The following FIBCD1 variants were observed in gnomAD, a reference collection of about 807,000 sequenced individuals.
FIBCD1 encodes the protein fibrinogen C domain containing 1, also known as fibrinogen C domain-containing protein 1.
FIBCD1 carries 47 observed loss-of-function variants against 45.1 expected under a neutral mutation model. The ratio of observed to expected loss-of-function variants is 1.04; its 90% CI spans 0.82 to 1.33. The LOEUF (loss-of-function observed/expected upper bound fraction) is 1.33, where lower values mean the gene tolerates loss of function less well. Ranked by LOEUF, FIBCD1 falls within the 40% of genes most tolerant of loss-of-function variation. FIBCD1 has a pLI of 0.00. For missense variants in FIBCD1, 653 were observed against 682.2 expected, an observed-to-expected ratio of 0.96 and a Z score of 0.48; for synonymous variants, 313 against 308.1, an observed-to-expected ratio of 1.02 and a Z score of -0.17.
intron 4 of FIBCD1, among the ~76,000 whole-genome samples, chr9:130,914,224 C>T (rs1412738577): frequency 1.3e-5 from 2 of 152,248 alleles, no homozygotes; most frequent in African/African-American, 4.8e-5. Flanking sequence ...CACCCTCCCC[C>T]AGCCCTCCCG....
At chr9:130,927,647 G>C (rs953072038) in intron 2 of FIBCD1, among the ~76,000 whole-genome samples, 2 of 152,212 alleles carry the variant, frequency 1.3e-5, no homozygotes, top group African/African-American at 4.8e-5. Flanking sequence ...GCTGCAGGGG[G>C]TTGGGGATGA....
chr9:130,930,405 C>G (rs913297825), intron 1 of FIBCD1, among the ~76,000 whole-genome samples: 2 of 147,862 alleles, frequency 1.4e-5, no homozygotes, highest in African/African-American at 5.0e-5. Context: ...TGGGGAGATG[C>G]GGGGAGACGC....
At chr9:130,938,167 C>T in intron 1 of FIBCD1, 1 of 195,252 alleles carries the variant, frequency 5.1e-6, no homozygotes, top group Non-Finnish European at 1.0e-5. Flanking sequence ...AGTTAAGATG[C>T]CCATTGTAGA....
intron 1 of FIBCD1, among the ~76,000 whole-genome samples, chr9:130,937,376 C>T (rs1008153544): frequency 2.7e-4 from 41 of 152,180 alleles, no homozygotes; most frequent in African/African-American, 9.7e-4. Flanking sequence ...CTCTCTGATC[C>T]CTGGTCTGTG....
In FIBCD1 at chr9:130,924,422, G is replaced by C. The variant is rs200302172; in HGVS notation, c.553-26C>G. On this transcript the variant is annotated intron_variant, in intron 2 of 6. Transcript: ENST00000372338. ...CTGCGGAGCACAGGGGGTGAGCCGA[G>C]GGGGCAGGGGCTCTGTTGGGGGTGG... 223 of 1,587,278 alleles carry C rather than the reference G, an allele frequency of 1.4e-4. No homozygotes were observed. The African/African-American group carries it at 2.8e-3, about 20-fold the overall frequency.
intron 1 of FIBCD1, 43 bp from the exon 2 acceptor site, chr9:130,930,089 G>A: frequency 2.0e-6 from 3 of 1,477,630 alleles, no homozygotes; most frequent in South Asian, 2.8e-5. Context: ...CAGACAGACG[G>A]GAGAGAGAAG....
upstream of FIBCD1, among the ~76,000 whole-genome samples, chr9:130,940,131 C>T (rs1303279935): frequency 2.6e-5 from 4 of 152,246 alleles, no homozygotes; most frequent in African/African-American, 9.6e-5. Flanking sequence ...GCCCCATCTT[C>T]GTCCCTCTCC....
At position 130,911,796 on chromosome 9, in the gene FIBCD1, C is replaced by T. The variant is rs757075901; in HGVS notation, c.942G>A (p.Trp314Ter). ...GATGGTGGGTGGGGTGCTCACCTAG[C>T]CAGTGCTCCCCGGTGAGCCTGCCAA... ...DGFGRLTGEH[W>*]LGLKRIHALT... The change falls in exon 5 of 7, where the codon TGG becomes TGA. Residue 314 changes from tryptophan (W) to a stop codon, truncating the protein, a stop_gained. Coordinates refer to ENST00000372338, the MANE Select transcript of FIBCD1 (RefSeq NM_032843.5). LOFTEE classifies it high-confidence loss of function. The T allele has an allele frequency of 1.1e-5, 18 of 1,599,278 alleles. No individual in the cohort carries two copies. Among genetic ancestry groups the T allele is most frequent in the African/African-American group, 2.7e-5 (2 of 74,388 alleles).
At chr9:130,924,121 A>G (rs1039936010) in intron 3 of FIBCD1, 116 bp downstream of exon 3, 21 of 1,376,374 alleles carry the variant, frequency 1.5e-5, no homozygotes, top group Middle Eastern at 2.6e-4. Context: ...CGCAGGCCAC[A>G]TGGAAGTAGG....
chr9:130,932,314 G>C (rs11244199), intron 1 of FIBCD1, among the ~76,000 whole-genome samples: 2 of 152,220 alleles, frequency 1.3e-5, no homozygotes, highest in African/African-American at 4.8e-5. Context: ...TGGACATGCA[G>C]ACCCCCGGGA....
chr9:130,904,203 G>T lies in FIBCD1; in HGVS notation c.1247C>A (p.Thr416Lys). 6.2e-7 allele frequency: 1 copy of T among 1,613,788 alleles called. No homozygotes were observed. The highest frequency in any genetic ancestry group is 8.5e-7 in the Non-Finnish European group (1 of 1,180,000). Residue 416 changes from threonine (T) to lysine (K), a missense_variant, in exon 7 of 7, where the codon ACG becomes AAG. By Grantham distance (78) the Thr-to-Lys change is moderately conservative. Coordinates refer to ENST00000372338, the MANE Select transcript of FIBCD1 (RefSeq NM_032843.5). ...CAGGTACTGCCCATTGAGGTTGGACGTGTGGCAGTTGCGGTACCACCAGGC... is the reference window on the plus strand; with the variant it reads ...CAGGTACTGCCCATTGAGGTTGGACTTGTGGCAGTTGCGGTACCACCAGGC... ...RGAWWYRNCH[T>K]SNLNGQYLRG... is the part of the protein sequence containing the mutation.
intron 1 of FIBCD1, among the ~76,000 whole-genome samples, chr9:130,932,273 C>A (rs751510522): frequency 6.6e-6 from 1 of 152,188 alleles, no homozygotes; most frequent in South Asian, 2.1e-4. Context: ...ACTTGGCACC[C>A]GAAGAGGACG....
chr9:130,929,784 T>C lies in FIBCD1; in HGVS notation c.335A>G (p.Gln112Arg), dbSNP rs778578356. ...TGTCAGCGCCTGCAGCACCGAGGCC[T>C]GGGCGCTCTCCAGGCGTGCGAAGCT... ...TDSFARLESA[Q>R]ASVLQALTEH... Residue 112 changes from glutamine to arginine, a missense_variant, in exon 2 of 7, where the codon CAG (glutamine) becomes CGG (arginine). By Grantham distance (43) the Gln-to-Arg change is conservative. Coordinates refer to ENST00000372338, the MANE Select transcript of FIBCD1 (RefSeq NM_032843.5). The C allele has an allele frequency of 4.9e-5, 76 of 1,555,070 alleles. No homozygotes were observed. The highest frequency in any genetic ancestry group is 3.3e-4 in the Middle Eastern group (2 of 5,992).
Position 130,938,654 on chromosome 9 carries a change from G to T in FIBCD1, c.-47C>A. On this transcript the variant is annotated 5_prime_UTR_variant, in exon 1 of 7. Coordinates refer to ENST00000372338, the MANE Select transcript of FIBCD1 (RefSeq NM_032843.5). Reference sequence around the variant, plus strand: ...GCGCCGGGCGAGGCGCGCCGCTGCGGAGCGCAAAGGAGACGGGGTGGGCGC... The same window carrying T: ...GCGCCGGGCGAGGCGCGCCGCTGCGTAGCGCAAAGGAGACGGGGTGGGCGC... 1 of 1,300,422 alleles carries T rather than the reference G, an allele frequency of 7.7e-7. No individual in the cohort carries two copies. Among genetic ancestry groups the T allele is most frequent in the South Asian group, 1.9e-5 (1 of 54,022 alleles). 80.6% of individuals were successfully genotyped at this position (1,300,422 alleles called of 1,614,324 possible).
At chr9:130,930,114 G>C (rs1210055290) in intron 1 of FIBCD1, 68 bp from the exon 2 acceptor site, 1 of 1,455,600 alleles carries the variant, frequency 6.9e-7, no homozygotes, top group Non-Finnish European at 9.0e-7. Context: ...CAGCATTAGA[G>C]GCATACCTGG....
chr9:130,909,717 A>C (rs1431755784), intron 5 of FIBCD1, among the ~76,000 whole-genome samples: 2 of 152,180 alleles, frequency 1.3e-5, no homozygotes. Context: ...TGTTTAGATA[A>C]ATGAAGTTTT....
At chr9:130,904,911 C>T (rs1405469064) in intron 6 of FIBCD1, among the ~76,000 whole-genome samples, 1 of 152,200 alleles carries the variant, frequency 6.6e-6, no homozygotes, top group African/African-American at 2.4e-5. Flanking sequence ...AGAAGCTCAT[C>T]TTTTATGACA....
At chr9:130,937,056 G>A (rs1325627296) in intron 1 of FIBCD1, among the ~76,000 whole-genome samples, 1 of 152,108 alleles carries the variant, frequency 6.6e-6, no homozygotes, top group Non-Finnish European at 1.5e-5. Flanking sequence ...GGAGCGGCGT[G>A]GTGTGGGGCC....
chr9:130,927,498 G>A (rs1177373837), intron 2 of FIBCD1, among the ~76,000 whole-genome samples: 4 of 152,172 alleles, frequency 2.6e-5, no homozygotes, highest in Admixed American at 6.5e-5. Flanking sequence ...CAACCTGCCC[G>A]GCATCCCACA....
Sources: allele counts gnomAD v4.1 joint callset (sites outside exome capture counted in the v4.1 genomes callset), GRCh38; gene constraint gnomAD v4.1.1; transcripts MANE v1.5; gene names NCBI Gene and HGNC (gene_info 2026-07-23, HGNC 2026-07-21).